Variants in TSGA10IP observed in about 807,000 individuals in gnomAD.
TSGA10IP encodes testis specific 10 interacting protein.
In TSGA10IP, 64 loss-of-function variants were observed where a neutral mutation model predicts 63.2. The ratio of observed to expected loss-of-function variants is 1.01; its 90% CI spans 0.83 to 1.25. The LOEUF is 1.25. TSGA10IP is among the 50% of genes most tolerant of loss of function. The probability of loss-of-function intolerance (pLI) is 0.00; values close to 1 mark genes in which losing one functional copy is unlikely to be tolerated. For synonymous variants in TSGA10IP, 316 were observed against 298.3 expected, an observed-to-expected ratio of 1.06 and a Z score of -0.61; for missense variants, 681 against 710.1, an observed-to-expected ratio of 0.96 and a Z score of 0.47.
intron 5 of TSGA10IP, among the ~76,000 whole-genome samples, chr11:65,955,416 G>A (rs1249341384): frequency 2.0e-5 from 3 of 152,072 alleles, no homozygotes; most frequent in African/African-American, 4.8e-5. Flanking sequence ...GACCAGCCTG[G>A]CCAACGTAAT....
chr11:65,948,283 TCCA>T (rs1854881655), intron 4 of TSGA10IP, 135 bp downstream of exon 4: 1 of 721,836 alleles, frequency 1.4e-6, no homozygotes, highest in African/African-American at 2.0e-5. Flanking sequence ...GGATCATCCA[TCCA>T]TCCATCCATC....
chr11:65,946,449 G>A (rs1205917141), intron 1 of TSGA10IP, among the ~76,000 whole-genome samples: 5 of 151,848 alleles, frequency 3.3e-5, no homozygotes, highest in Non-Finnish European at 5.9e-5. Flanking sequence ...TTGTTTTTTT[G>A]AGATGGAGTT....
intron 4 of TSGA10IP, among the ~76,000 whole-genome samples, chr11:65,953,030 C>CTTTTTTTTTTTTTTTTTTTTT (rs543769953): frequency 7.5e-6 from 1 of 133,648 alleles, no homozygotes; most frequent in African/African-American, 2.8e-5. Flanking sequence ...TTCTTTCTTT[C>CTTTTTTTTTTTTTTTTTTTTT]TTTTTTTTTT....
rs568083843 is a variant in TSGA10IP at position 65,946,866 on chromosome 11, C to G, written c.148-14C>G. 1.2e-6 allele frequency: 2 copies of G among 1,612,892 alleles called. No homozygotes were observed. Among genetic ancestry groups the G allele is most frequent in the African/African-American group, 1.3e-5 (1 of 75,036 alleles). ...GCTCAAGCTGGCTGCTCCTCCCCTA[C>G]TGTCTCTGCCCAGGGCTGCCTGGGG... On this transcript the variant is annotated splice_polypyrimidine_tract_variant and intron_variant, in intron 1 of 7. Transcript: ENST00000532620.
At position 65,946,981 on chromosome 11, in the gene TSGA10IP, G is replaced by C. The variant is rs200493850; in HGVS notation, c.249G>C (p.Gln83His). 2.0e-5 allele frequency: 33 copies of C among 1,614,008 alleles called. No homozygotes were observed. In the African/African-American group the frequency reaches 3.9e-4, roughly 19 times the overall value. ...AGAAGGACCGCAAGCCCAGGGGCCA[G>C]AGCAAGAAAGGACAGGGCTCTGAAG... Residue 83 changes from glutamine to histidine, a missense_variant, in exon 2 of 8, where the codon CAG becomes CAC. Coordinates refer to ENST00000532620, the Ensembl canonical transcript of TSGA10IP.
exon 3 of TSGA10IP, chr11:65,947,236 G>A: frequency 6.2e-7 from 1 of 1,609,886 alleles, no homozygotes; most frequent in Non-Finnish European, 8.5e-7. Flanking sequence ...CCCTGCCCAT[G>A]CCCTCCTCGT....
At chr11:65,946,501 G>C (rs1591111479) in intron 1 of TSGA10IP, among the ~76,000 whole-genome samples, 1 of 151,920 alleles carries the variant, frequency 6.6e-6, no homozygotes, top group Non-Finnish European at 1.5e-5. Context: ...ACACAATCTC[G>C]GCTCACTGCA....
chr11:65,953,261 C>G (rs1422029784), intron 4 of TSGA10IP, among the ~76,000 whole-genome samples: 5 of 152,048 alleles, frequency 3.3e-5, no homozygotes, highest in African/African-American at 1.2e-4. Flanking sequence ...AAACTCCTGA[C>G]CTCAGGTGAT....
Position 65,949,242 on chromosome 11 carries a change from G to A in TSGA10IP, c.1151+1094G>A, listed in dbSNP as rs374769159. On this transcript the variant is annotated intron_variant, in intron 4 of 7. Coordinates refer to ENST00000532620, the Ensembl canonical transcript of TSGA10IP. ...ACAGTGGGAGCTGAAGGGGAGACTG[G>A]AGGCTGTGAGGAGACTGTTGGCAAC... Among the ~76,000 whole-genome samples, 26 of 152,206 alleles carry A rather than the reference G, an allele frequency of 1.7e-4. No homozygotes were observed. In the East Asian group the frequency reaches 4.6e-3, roughly 27 times the overall value.
chr11:65,947,275 C>A, exon 3 of TSGA10IP: 1 of 1,612,122 alleles, frequency 6.2e-7, no homozygotes, highest in East Asian at 2.2e-5. Context: ...GGCGCAAGTC[C>A]ACGGCCAACC....
At chr11:65,948,283 T>C in intron 4 of TSGA10IP, 135 bp downstream of exon 4, 22 of 721,936 alleles carry the variant, frequency 3.0e-5, no homozygotes, top group Non-Finnish European at 4.6e-5. Context: ...GGATCATCCA[T>C]CCATCCATCC....
intron 4 of TSGA10IP, among the ~76,000 whole-genome samples, chr11:65,949,197 C>T (rs1380865460): frequency 6.6e-6 from 1 of 152,090 alleles, no homozygotes; most frequent in Non-Finnish European, 1.5e-5. Flanking sequence ...GAGCGAGCCT[C>T]TGTTTCTAAA....
chr11:65,957,862 C>T (rs1444615819), intron 5 of TSGA10IP, among the ~76,000 whole-genome samples: 1 of 152,144 alleles, frequency 6.6e-6, no homozygotes, highest in Non-Finnish European at 1.5e-5. Flanking sequence ...GGGTGTGGCT[C>T]GAAGGTCCCT....
intron 5 of TSGA10IP, among the ~76,000 whole-genome samples, chr11:65,954,479 C>A (rs1461781519): frequency 6.6e-6 from 1 of 151,970 alleles, no homozygotes; most frequent in Non-Finnish European, 1.5e-5. Flanking sequence ...TGGCCGTGAC[C>A]ATTTTCCTAA....
intron 1 of TSGA10IP, among the ~76,000 whole-genome samples, chr11:65,946,374 G>A (rs1281864436): frequency 6.6e-6 from 1 of 152,126 alleles, no homozygotes; most frequent in Non-Finnish European, 1.5e-5. Flanking sequence ...TGCTCAGCAG[G>A]TGGCAGCTGT....
At chr11:65,953,822 C>G in intron 5 of TSGA10IP, 85 bp downstream of exon 5, 1 of 1,144,908 alleles carries the variant, frequency 8.7e-7, no homozygotes, top group South Asian at 1.9e-5. Context: ...CGAGGAGCAC[C>G]AGCCCTCGCC....
chr11:65,945,612 G>A, exon 1 of TSGA10IP: 2 of 1,578,096 alleles, frequency 1.3e-6, no homozygotes, highest in Non-Finnish European at 1.7e-6. Flanking sequence ...GACTGGCTGA[G>A]GACTGGTTGC....
chr11:65,947,219 C>A, exon 3 of TSGA10IP: 1 of 1,608,534 alleles, frequency 6.2e-7, no homozygotes. Context: ...AACCCCTGGC[C>A]ACCAAGCCCT....
At chr11:65,949,164 A>G (rs1296945229) in intron 4 of TSGA10IP, among the ~76,000 whole-genome samples, 1 of 152,138 alleles carries the variant, frequency 6.6e-6, no homozygotes, top group Non-Finnish European at 1.5e-5. Context: ...TGATGACATC[A>G]CTGAATTTTA....
Sources: allele counts gnomAD v4.1 joint callset (sites outside exome capture counted in the v4.1 genomes callset), GRCh38; gene constraint gnomAD v4.1.1; transcripts MANE v1.5; gene names NCBI Gene and HGNC (gene_info 2026-07-23, HGNC 2026-07-21).